GRIP1: variants seen among roughly 807,000 people sequenced by gnomAD.
GRIP1 encodes the protein glutamate receptor interacting protein 1, also known as glutamate receptor-interacting protein 1.
GRIP1 carries 45 observed loss-of-function variants against 129.9 expected under a neutral mutation model. That is an observed-to-expected ratio of 0.35 (90% CI 0.27 to 0.44). The LOEUF is 0.44. GRIP1 is among the 20% of genes least tolerant of loss of function. The pLI is 1.00. For synonymous variants in GRIP1, 530 were observed against 520.8 expected (o/e 1.02, Z -0.24); for missense variants, 1,196 against 1,396.8 (o/e 0.86, Z 2.29).
chr12:66,969,080 T>C (rs2042036644), intron 1 of GRIP1, among the ~76,000 whole-genome samples: 1 of 152,196 alleles, frequency 6.6e-6, no homozygotes, highest in Admixed American at 6.5e-5. Flanking sequence ...AGAAGTCCAC[T>C]GTAATTCTTA....
In GRIP1 at chr12:66,462,641, A is replaced by G. The variant is rs1211768064; in HGVS notation, c.1042+283T>C. On this transcript the variant is annotated intron_variant, in intron 9 of 24. Transcript: ENST00000359742. ...ACATGGTGAAACCCTGTCTCTATTA[A>G]AAATACAAAAATTAGCTGGGCATGG... Among the ~76,000 whole-genome samples the G allele has an allele frequency of 5.9e-5, 9 of 152,138 alleles. No individual in the cohort carries two copies. In the East Asian group the frequency reaches 1.7e-3, roughly 29 times the overall value.
chr12:66,576,452 T>C (rs549571144), intron 2 of GRIP1, among the ~76,000 whole-genome samples: 7 of 152,242 alleles, frequency 4.6e-5, no homozygotes, highest in Non-Finnish European at 1.0e-4. Flanking sequence ...ATGTATGTGA[T>C]GATCAGGAAT....
chr12:66,666,878 C>G (rs1049027833), intron 1 of GRIP1, among the ~76,000 whole-genome samples: 1 of 144,022 alleles, frequency 6.9e-6, no homozygotes, highest in Non-Finnish European at 1.5e-5. Flanking sequence ...ACATTGAAAC[C>G]TTTTTTTTTT....
chr12:66,971,587 G>A (rs1729892215), intron 1 of GRIP1, among the ~76,000 whole-genome samples: 2 of 152,246 alleles, frequency 1.3e-5, no homozygotes, highest in Non-Finnish European at 1.5e-5. Context: ...TATAGTCCCT[G>A]CCCTTGAGGA....
chr12:67,058,925 G>GT (rs1392554319), intron 1 of GRIP1, among the ~76,000 whole-genome samples: 1 of 152,196 alleles, frequency 6.6e-6, no homozygotes, highest in Non-Finnish European at 1.5e-5. Context: ...AAAATCAGAT[G>GT]TAAGTGTCTG....
intron 16 of GRIP1, among the ~76,000 whole-genome samples, chr12:66,395,164 C>T (rs1452577758): frequency 6.6e-6 from 1 of 152,160 alleles, no homozygotes; most frequent in Admixed American, 6.5e-5. Context: ...TATCATGGGC[C>T]GCCTTCAACG....
At chr12:66,720,144 TG>T (rs2036016562) in intron 1 of GRIP1, among the ~76,000 whole-genome samples, 1 of 152,214 alleles carries the variant, frequency 6.6e-6, no homozygotes, top group Non-Finnish European at 1.5e-5. Flanking sequence ...CCCTACTTAT[TG>T]CAAATTTTGG....
intron 1 of GRIP1, among the ~76,000 whole-genome samples, chr12:66,612,479 G>A (rs1457802418): frequency 6.6e-6 from 1 of 151,848 alleles, no homozygotes; most frequent in Non-Finnish European, 1.5e-5. Context: ...GGTAACATAG[G>A]GGGACCCTGA....
chr12:66,555,218 G>A (rs1011377703), intron 2 of GRIP1, among the ~76,000 whole-genome samples: 4 of 152,194 alleles, frequency 2.6e-5, no homozygotes, highest in Admixed American at 2.6e-4. Flanking sequence ...GACTCTGTCT[G>A]TTTGGGAGAA....
At chr12:66,592,545 C>T (rs2063885496) in intron 2 of GRIP1, among the ~76,000 whole-genome samples, 1 of 152,100 alleles carries the variant, frequency 6.6e-6, no homozygotes, top group African/African-American at 2.4e-5. Context: ...TGACATCTTC[C>T]TGCATTTGTC....
chr12:66,898,296 C>T (rs1438867814), intron 1 of GRIP1, among the ~76,000 whole-genome samples: 1 of 152,096 alleles, frequency 6.6e-6, no homozygotes, highest in African/African-American at 2.4e-5. Context: ...ATGATGCTCA[C>T]TCCTAAGAAA....
rs1325778168 is a variant in GRIP1 at position 67,068,859 on chromosome 12, C to A, written c.58+191G>T. On this transcript the variant is annotated intron_variant, in intron 1 of 1. Coordinates refer to the GRIP1 transcript ENST00000643019. ...CCCGCTGCCCTCTCATCCCGCCCCC[C>A]CCCCCCCCCGCAAAAAAAATGAATC... 1.6e-4 allele frequency among the ~76,000 whole-genome samples: 13 copies of A among 79,196 alleles called. 1 individual carries two copies. The highest frequency in any genetic ancestry group is 1.1e-3 in the East Asian group (2 of 1,818). 52.0% of individuals were successfully genotyped at this position (79,196 alleles called of 152,430 possible).
chr12:66,933,396 C>A (rs1303374974), intron 1 of GRIP1, among the ~76,000 whole-genome samples: 3 of 152,158 alleles, frequency 2.0e-5, no homozygotes, highest in Non-Finnish European at 4.4e-5. Flanking sequence ...TGAGATTTTT[C>A]TAAAACATAA....
intron 9 of GRIP1, among the ~76,000 whole-genome samples, chr12:66,460,687 C>A (rs1164798439): frequency 1.3e-5 from 2 of 152,170 alleles, no homozygotes; most frequent in Admixed American, 1.3e-4. Flanking sequence ...ATATGCTTTA[C>A]TGCTAACACA....
intron 1 of GRIP1, among the ~76,000 whole-genome samples, chr12:67,019,031 G>A (rs1041020246): frequency 6.6e-6 from 1 of 152,084 alleles, no homozygotes; most frequent in African/African-American, 2.4e-5. Context: ...ATTAAATGGG[G>A]CTGATAACAG....
At chr12:67,062,943 TCAG>T (rs1323832992) in intron 1 of GRIP1, among the ~76,000 whole-genome samples, 4 of 152,244 alleles carry the variant, frequency 2.6e-5, no homozygotes, top group Admixed American at 6.5e-5. Context: ...TGTTTCATCA[TCAG>T]GATATCCTAA....
chr12:66,401,290 C>T (rs1359855828), intron 16 of GRIP1, among the ~76,000 whole-genome samples: 1 of 151,946 alleles, frequency 6.6e-6, no homozygotes, highest in East Asian at 1.9e-4. Context: ...ATATTACCTC[C>T]TTTAGGCCAG....
At chr12:66,380,830 T>TTG (rs2056072657) in intron 19 of GRIP1, among the ~76,000 whole-genome samples, 1 of 152,144 alleles carries the variant, frequency 6.6e-6, no homozygotes, top group Non-Finnish European at 1.5e-5. Flanking sequence ...AGGTTGTGAC[T>TTG]TGTGTGTGTG....
At chr12:66,966,369 T>C (rs1300607654) in intron 1 of GRIP1, among the ~76,000 whole-genome samples, 1 of 152,192 alleles carries the variant, frequency 6.6e-6, no homozygotes, top group African/African-American at 2.4e-5. Flanking sequence ...TATTACAGTT[T>C]CACCTATTTG....
Sources: allele counts gnomAD v4.1 joint callset (sites outside exome capture counted in the v4.1 genomes callset), GRCh38; gene constraint gnomAD v4.1.1; transcripts MANE v1.5; gene names NCBI Gene and HGNC (gene_info 2026-07-23, HGNC 2026-07-21).